The following DIS3L2 variants were observed in gnomAD, a reference collection of about 807,000 sequenced individuals.
DIS3L2 encodes DIS3-like exonuclease 2.
DIS3L2 carries 34 observed loss-of-function variants against 97.5 expected under a neutral mutation model. The ratio of observed to expected loss-of-function variants is 0.35; its 90% CI spans 0.27 to 0.46. The LOEUF is 0.46. DIS3L2 is among the 20% of genes least tolerant of loss of function. The probability of loss-of-function intolerance (pLI) is 1.00; values close to 1 mark genes in which losing one functional copy is unlikely to be tolerated. For missense variants in DIS3L2, 1,038 were observed against 1,146.0 expected (o/e 0.91, Z 1.36); for synonymous variants, 435 against 445.2 (o/e 0.98, Z 0.29).
rs548858622 is a variant in DIS3L2, at chr2:232,189,052, A to G, written c.1125-21274A>G. ...TCAGAACATCTAAAGTAAAATAATG[A>G]AAAGGCCAAATTGGCAAGAAGTTCT... On this transcript the variant is annotated intron_variant, in intron 9 of 20. Coordinates refer to ENST00000325385, the MANE Select transcript of DIS3L2 (RefSeq NM_152383.5). Among the ~76,000 whole-genome samples, 3 of 152,350 alleles carry G rather than the reference A, an allele frequency of 2.0e-5. No individual in the cohort carries two copies. In the South Asian group the frequency reaches 6.2e-4, roughly 32 times the overall value.
intron 3 of DIS3L2, among the ~76,000 whole-genome samples, chr2:232,017,103 A>G (rs988075057): frequency 6.6e-6 from 1 of 151,780 alleles, no homozygotes; most frequent in African/African-American, 2.4e-5. Context: ...TTATTTATTT[A>G]TTTTTTGAGA....
intron 20 of DIS3L2, 95 bp from the exon 21 acceptor site, chr2:232,336,374 A>C: frequency 6.5e-7 from 1 of 1,549,238 alleles, no homozygotes; most frequent in Non-Finnish European, 8.7e-7. Flanking sequence ...AGGCCGAAGG[A>C]GGGGCCAGGG....
chr2:232,230,035 G>T (rs2106243049), intron 10 of DIS3L2, among the ~76,000 whole-genome samples: 2 of 152,122 alleles, frequency 1.3e-5, no homozygotes, highest in Middle Eastern at 6.8e-3. Context: ...TCTTAAGTTT[G>T]TAAAATATCC....
chr2:232,176,343 C>G (rs1299836832), intron 9 of DIS3L2, among the ~76,000 whole-genome samples: 2 of 152,022 alleles, frequency 1.3e-5, no homozygotes, highest in Non-Finnish European at 2.9e-5. Flanking sequence ...ATCTCTCCCC[C>G]TCTCTCTCTG....
At chr2:232,004,975 C>T (rs763955606) in intron 1 of DIS3L2, among the ~76,000 whole-genome samples, 2 of 152,056 alleles carry the variant, frequency 1.3e-5, no homozygotes, top group Admixed American at 6.6e-5. Context: ...CCTCAGTGAG[C>T]GTAGTTATCA....
chr2:231,997,626 C>T (rs953645054), intron 1 of DIS3L2, among the ~76,000 whole-genome samples: 1 of 152,190 alleles, frequency 6.6e-6, no homozygotes, highest in Non-Finnish European at 1.5e-5. Context: ...TTCAGTAAAA[C>T]AGGTATGATT....
In DIS3L2 at chr2:232,318,921, C is replaced by G. The variant is rs1695351441; in HGVS notation, c.1740-10892C>G. Among the ~76,000 whole-genome samples the G allele has an allele frequency of 2.6e-5, 4 of 152,332 alleles. No homozygotes were observed. The South Asian group carries it at 8.3e-4, about 32-fold the overall frequency. On this transcript the variant is annotated intron_variant, in intron 14 of 20. Transcript: ENST00000325385. ...TCCCACCACCTCCCCACCGTCTCTCCCTGAAACCCCAGGAGCATTCCAGAT... is the reference window on the plus strand; with the variant it reads ...TCCCACCACCTCCCCACCGTCTCTCGCTGAAACCCCAGGAGCATTCCAGAT...
chr2:231,989,824 C>T (rs186504003), intron 1 of DIS3L2, among the ~76,000 whole-genome samples: 113 of 152,144 alleles, frequency 7.4e-4, no homozygotes, highest in African/African-American at 2.7e-3. Context: ...GACAGAGTGA[C>T]ATAATGAGAT....
intron 5 of DIS3L2, among the ~76,000 whole-genome samples, chr2:232,069,387 G>A (rs561443126): frequency 3.2e-4 from 49 of 152,252 alleles, no homozygotes; most frequent in African/African-American, 1.2e-3. Context: ...ATAGAAGTAG[G>A]CTTCTGTGTA....
At chr2:232,248,240 G>GC (rs1693319215) in intron 11 of DIS3L2, among the ~76,000 whole-genome samples, 1 of 152,184 alleles carries the variant, frequency 6.6e-6, no homozygotes, top group Non-Finnish European at 1.5e-5. Flanking sequence ...GCCACCCTTT[G>GC]CCTATCACTT....
intron 12 of DIS3L2, among the ~76,000 whole-genome samples, chr2:232,253,423 C>T (rs1693470929): frequency 6.6e-6 from 1 of 152,170 alleles, no homozygotes; most frequent in African/African-American, 2.4e-5. Context: ...CCTAGGGGTA[C>T]ATGGACCATA....
chr2:232,262,490 C>T (rs776150999), intron 12 of DIS3L2, among the ~76,000 whole-genome samples: 3 of 152,208 alleles, frequency 2.0e-5, no homozygotes, highest in Non-Finnish European at 2.9e-5. Context: ...CCAGCTTTCC[C>T]CTAGAAGACA....
At position 232,335,843 on chromosome 2, in the gene DIS3L2, C is replaced by T. The variant is rs1014367070; in HGVS notation, c.2465C>T (p.Pro822Leu). 6.4e-7 allele frequency: 1 copy of T among 1,550,782 alleles called. No homozygotes were observed. The highest frequency in any genetic ancestry group is 1.4e-5 in the African/African-American group (1 of 73,064). ...CCGGAACTCACGCTGGTCTGGGAGC[C>T]TGAGGACATGGAGCAGGAGCCAGCA... is the stretch of plus-strand genomic sequence containing the variant. The part of the protein sequence containing the change: ...KKPELTLVWE[P>L]EDMEQEPAQQ... The change falls in exon 20 of 21, where the codon CCT becomes CTT. Residue 822 changes from proline (P) to leucine (L), a missense_variant. Pro to Leu is a moderately conservative substitution (Grantham distance 98). Coordinates refer to ENST00000325385, the MANE Select transcript of DIS3L2 (RefSeq NM_152383.5).
At chr2:232,015,720 A>G in intron 3 of DIS3L2, 49 bp downstream of exon 3, 1 of 1,597,806 alleles carries the variant, frequency 6.3e-7, no homozygotes, top group Non-Finnish European at 8.5e-7. Context: ...TAGAATCCAA[A>G]ACAATCTATT....
intron 5 of DIS3L2, among the ~76,000 whole-genome samples, chr2:232,085,506 A>C (rs1696548842): frequency 6.6e-6 from 1 of 152,224 alleles, no homozygotes; most frequent in African/African-American, 2.4e-5. Context: ...TTCATTTTTT[A>C]TATTTATGTA....
Position 232,000,663 on chromosome 2 carries a change from T to TTTCC in DIS3L2, c.-93-14172_-93-14171insTTCC, listed in dbSNP as rs1559529200. Reference sequence around the variant, plus strand: ...CTTTCCTTTCCTTTCCTTTCCTTTCTCTTTCTCTCTTTCTCTCTTTCTGTC... The same window carrying TTTCC: ...CTTTCCTTTCCTTTCCTTTCCTTTCTTTCCCTTTCTCTCTTTCTCTCTTTCTGTC... On this transcript the variant is annotated intron_variant, in intron 1 of 20. Transcript: ENST00000325385. Among the ~76,000 whole-genome samples the TTTCC allele has an allele frequency of 7.6e-3, 175 of 23,172 alleles. 3 individuals are homozygous for TTTCC. Among genetic ancestry groups the TTTCC allele is most frequent in the African/African-American group, 0.04 (164 of 4,136 alleles). 15.2% of individuals were successfully genotyped at this position (23,172 alleles called of 152,430 possible).
At chr2:232,159,373 A>T (rs1279680503) in intron 8 of DIS3L2, among the ~76,000 whole-genome samples, 1 of 152,220 alleles carries the variant, frequency 6.6e-6, no homozygotes, top group Non-Finnish European at 1.5e-5. Flanking sequence ...GTCATGAGTG[A>T]ATCCTAAGCA....
intron 13 of DIS3L2, among the ~76,000 whole-genome samples, chr2:232,286,278 G>C (rs1162964070): frequency 1.3e-5 from 2 of 152,170 alleles, no homozygotes; most frequent in Non-Finnish European, 2.9e-5. Context: ...GGGCTGCCTT[G>C]ATTTTATCAA....
At chr2:232,166,388 A>G (rs750215869) in intron 9 of DIS3L2, among the ~76,000 whole-genome samples, 16 of 152,226 alleles carry the variant, frequency 1.1e-4, no homozygotes, top group Non-Finnish European at 2.2e-4. Context: ...AGGAGTTTGT[A>G]GGGTGCTCTC....
Sources: gnomAD v4.1 joint callset for allele counts (sites outside exome capture counted in the v4.1 genomes callset) on GRCh38, gnomAD v4.1.1 for gene constraint, MANE v1.5 for transcripts, NCBI Gene and HGNC (gene_info 2026-07-23, HGNC 2026-07-21) for gene names.